Variants in TRUB1 observed in about 807,000 individuals in gnomAD.
The protein encoded by TRUB1 is TruB pseudouridine synthase family member 1, also known as pseudouridylate synthase TRUB1.
Under a neutral mutation model 33.9 loss-of-function variants are expected in TRUB1, and 23 were observed. The observed-to-expected ratio is 0.68, with a 90% CI of 0.49 to 0.96. The LOEUF (loss-of-function observed/expected upper bound fraction) is 0.96. TRUB1 is among the 40% of genes least tolerant of loss of function. The pLI, the probability that TRUB1 is intolerant of heterozygous loss-of-function variation, is 0.00. For missense variants in TRUB1, 378 were observed against 422.2 expected (o/e 0.90, Z 0.92); for synonymous variants, 163 against 165.4 (o/e 0.99, Z 0.11).
At chr10:114,972,037 T>C in intron 5 of TRUB1, 98 bp from the exon 6 acceptor site, 1 of 1,394,392 alleles carries the variant, frequency 7.2e-7, no homozygotes, top group East Asian at 2.4e-5. Context: ...ATCCTTCCTT[T>C]CCATGCTAAA....
At position 114,959,827 on chromosome 10, in the gene TRUB1, T is replaced by C; in HGVS notation, c.523+20T>C. 2 of 1,446,938 alleles carry C rather than the reference T, an allele frequency of 1.4e-6. No individual in the cohort carries two copies. The highest frequency in any genetic ancestry group is 1.8e-5 in the Admixed American group (1 of 55,946). 89.6% of individuals were successfully genotyped at this position (1,446,938 alleles called of 1,614,324 possible). On this transcript the variant is annotated intron_variant, in intron 4 of 7. Coordinates refer to ENST00000298746, the MANE Select transcript of TRUB1 (RefSeq NM_139169.5). ...CTTACGGTATGAAGCTCATCTAATG[T>C]AGGCCTCTTTTCTAACATTTAGGAA...
At chr10:114,972,092 T>G in intron 5 of TRUB1, 43 bp from the exon 6 acceptor site, 1 of 1,606,190 alleles carries the variant, frequency 6.2e-7, no homozygotes, top group South Asian at 1.1e-5. Context: ...CTCTCAATTC[T>G]TGCTCTCCTT....
rs1211445514 is a variant in TRUB1 at position 114,975,263 on chromosome 10, C to T, written c.934C>T (p.Pro312Ser). The change falls in exon 8 of 8, where the codon CCA becomes TCA. Residue 312 changes from proline to serine, a missense_variant. Transcript: ENST00000298746. ...QSLEHCSSLF[P>S]AELALKKSKP... ...TCTTGAGCATTGCTCATCTCTTTTC[C>T]CAGCAGAGTTGGCACTTAAAAAATC... 6.2e-7 allele frequency: 1 copy of T among 1,613,544 alleles called. No individual in the cohort carries two copies. Among genetic ancestry groups the T allele is most frequent in the Non-Finnish European group, 8.5e-7 (1 of 1,179,682 alleles).
At chr10:114,944,000 C>CTT (rs573847481) in intron 2 of TRUB1, among the ~76,000 whole-genome samples, 153 of 101,506 alleles carry the variant, frequency 1.5e-3, no homozygotes, top group Non-Finnish European at 2.3e-3. Flanking sequence ...TTTATTCCAT[C>CTT]TTTTTTTTTT....
chr10:114,974,992 T>TA (rs543871763), intron 7 of TRUB1, 131 bp from the exon 8 acceptor site: 14 of 1,043,494 alleles, frequency 1.3e-5, no homozygotes, highest in Non-Finnish European at 1.6e-5. Flanking sequence ...TCTTGGTTCT[T>TA]ATATTGGATT....
At chr10:114,970,313 A>G (rs1480295882) in intron 4 of TRUB1, 55 bp from the exon 5 acceptor site, 1 of 1,255,142 alleles carries the variant, frequency 8.0e-7, no homozygotes, top group Non-Finnish European at 1.1e-6. Flanking sequence ...TGCTGTGAAA[A>G]TAGTACATGT....
intron 7 of TRUB1, among the ~76,000 whole-genome samples, chr10:114,974,786 C>T (rs1381655955): frequency 6.6e-6 from 1 of 152,012 alleles, no homozygotes; most frequent in Non-Finnish European, 1.5e-5. Context: ...TCTGGCTGTG[C>T]CATTTACTGG....
At chr10:114,942,080 G>A (rs1388591208) in intron 1 of TRUB1, among the ~76,000 whole-genome samples, 1 of 152,124 alleles carries the variant, frequency 6.6e-6, no homozygotes, top group African/African-American at 2.4e-5. Flanking sequence ...CACAGCACCC[G>A]GCCTAGATTC....
chr10:114,948,522 C>G (rs1042573734), intron 2 of TRUB1, among the ~76,000 whole-genome samples: 1 of 152,128 alleles, frequency 6.6e-6, no homozygotes, highest in African/African-American at 2.4e-5. Flanking sequence ...GGAAAAAATG[C>G]CGAGTAAAAA....
chr10:114,957,906 T>C (rs11197011), intron 3 of TRUB1, among the ~76,000 whole-genome samples: 46,644 of 152,146 alleles, frequency 0.31, 8,431 homozygotes, highest in Non-Finnish European at 0.42. Flanking sequence ...GGGAGCTGAC[T>C]GTAACCAGAT....
At chr10:114,963,333 A>G (rs1331704882) in intron 4 of TRUB1, among the ~76,000 whole-genome samples, 2 of 152,230 alleles carry the variant, frequency 1.3e-5, no homozygotes, top group Non-Finnish European at 2.9e-5. Flanking sequence ...TCCTGGAGTA[A>G]GCTCAAGAGT....
In TRUB1 at chr10:114,974,364, T is replaced by A. The variant is rs967536230; in HGVS notation, c.772T>A (p.Leu258Met). The A allele has an allele frequency of 6.2e-7, 1 of 1,612,900 alleles. No homozygotes were observed. Among genetic ancestry groups the A allele is most frequent in the East Asian group, 2.2e-5 (1 of 44,828 alleles). ...TGGAGGAGGTTTTTATATCAGAAGC[T>A]TGGTCAGTGACATTGGAAAAGGTAA... The part of the protein sequence containing the change: ...ECGGGFYIRS[L>M]VSDIGKELSS... Residue 258 changes from leucine to methionine, a missense_variant, in exon 7 of 8, where the codon TTG becomes ATG. Transcript: ENST00000298746.
intron 3 of TRUB1, among the ~76,000 whole-genome samples, chr10:114,955,654 A>G (rs1252492981): frequency 6.6e-6 from 1 of 152,194 alleles, no homozygotes; most frequent in Non-Finnish European, 1.5e-5. Context: ...GAACACAGTA[A>G]CATTTTTAGG....
rs2084167670 is a variant in TRUB1 at position 114,938,208 on chromosome 10, C to T, written c.-46C>T. On this transcript the variant is annotated 5_prime_UTR_variant, in exon 1 of 8. Transcript: ENST00000298746. ...CCTGTCAGGCGCACTCTTGTTGCAT[C>T]ATCAGCGTGCACCTCCACGATGAAA... 2 of 1,597,618 alleles carry T rather than the reference C, an allele frequency of 1.3e-6. No individual in the cohort carries two copies. Among genetic ancestry groups the T allele is most frequent in the South Asian group, 2.3e-5 (2 of 88,712 alleles).
chr10:114,949,511 G>A (rs1489653206), intron 2 of TRUB1, among the ~76,000 whole-genome samples: 1 of 152,190 alleles, frequency 6.6e-6, no homozygotes, highest in East Asian at 1.9e-4. Context: ...TGGGGCTTGA[G>A]CTGGGCTTCA....
At chr10:114,950,519 A>C (rs1312336418) in intron 2 of TRUB1, among the ~76,000 whole-genome samples, 1 of 152,204 alleles carries the variant, frequency 6.6e-6, no homozygotes, top group East Asian at 1.9e-4. Context: ...TTTGAAATTT[A>C]AGAGAAAGGT....
intron 4 of TRUB1, among the ~76,000 whole-genome samples, chr10:114,965,971 C>T (rs954569206): frequency 2.0e-4 from 31 of 152,038 alleles, no homozygotes; most frequent in Non-Finnish European, 5.9e-5. Context: ...TTCATTACTG[C>T]AATTCAGTTT....
At chr10:114,973,628 A>G (rs2084346492) in intron 6 of TRUB1, among the ~76,000 whole-genome samples, 1 of 152,208 alleles carries the variant, frequency 6.6e-6, no homozygotes, top group African/African-American at 2.4e-5. Flanking sequence ...AGTCTTGCTG[A>G]TGGATAAAAA....
chr10:114,945,312 T>TA (rs1469989976), intron 2 of TRUB1, among the ~76,000 whole-genome samples: 4 of 152,218 alleles, frequency 2.6e-5, no homozygotes, highest in African/African-American at 9.6e-5. Context: ...TCATGATTCT[T>TA]ACCAGCTTAG....
Sources: gnomAD v4.1 joint callset for allele counts (sites outside exome capture counted in the v4.1 genomes callset) on GRCh38, gnomAD v4.1.1 for gene constraint, MANE v1.5 for transcripts, NCBI Gene and HGNC (gene_info 2026-07-23, HGNC 2026-07-21) for gene names.